The following KSR2 variants were observed in gnomAD, a reference collection of about 807,000 sequenced individuals.
KSR2 encodes the protein kinase suppressor of ras 2.
In KSR2, 25 loss-of-function variants were observed where a neutral mutation model predicts 107.8. The ratio of observed to expected loss-of-function variants is 0.23; its 90% CI spans 0.17 to 0.32. The LOEUF (loss-of-function observed/expected upper bound fraction) is 0.32, where lower values mean the gene tolerates loss of function less well. Ranked by LOEUF, KSR2 falls within the 10% of genes least tolerant of loss-of-function variation. KSR2 has a pLI of 1.00. For synonymous variants in KSR2, 480 were observed against 507.0 expected, an observed-to-expected ratio of 0.95 and a Z score of 0.71; for missense variants, 887 against 1,268.9, an observed-to-expected ratio of 0.70 and a Z score of 4.57.
rs1418169814 is a variant in KSR2, at chr12:117,453,506, G to A, written c.*13693C>T. The A allele has an allele frequency of 6.6e-6, 1 of 152,258 alleles. No individual in the cohort carries two copies. The highest frequency in any genetic ancestry group is 2.4e-5 in the African/African-American group (1 of 41,346). 9.4% of individuals were successfully genotyped at this position (152,258 alleles called of 1,614,324 possible). On this transcript the variant is annotated 3_prime_UTR_variant, in exon 20 of 20. Transcript: ENST00000339824. ...CATCGGTCCGCGTTGGTCTGTACAA[G>A]AATTAGTCTTTATATATATAATATA... is the stretch of plus-strand genomic sequence containing the variant.
intron 5 of KSR2, among the ~76,000 whole-genome samples, chr12:117,653,740 C>T (rs899244031): frequency 1.1e-4 from 16 of 152,214 alleles, no homozygotes; most frequent in African/African-American, 3.6e-4. Flanking sequence ...AGAGGCACAA[C>T]GCCTAGCGGG....
chr12:117,585,713 C>T (rs1879944093), intron 5 of KSR2, among the ~76,000 whole-genome samples: 1 of 152,204 alleles, frequency 6.6e-6, no homozygotes, highest in Non-Finnish European at 1.5e-5. Context: ...AGCAATTAAA[C>T]CGATACAGAA....
intron 14 of KSR2, among the ~76,000 whole-genome samples, chr12:117,507,979 C>T (rs1873801063): frequency 6.6e-6 from 1 of 152,166 alleles, no homozygotes; most frequent in African/African-American, 2.4e-5. Context: ...AGATAAAAAG[C>T]CACCCTCCCT....
At chr12:117,943,579 C>G (rs548485110) in intron 1 of KSR2, among the ~76,000 whole-genome samples, 5 of 150,096 alleles carry the variant, frequency 3.3e-5, no homozygotes, top group Non-Finnish European at 7.4e-5. Context: ...AACCAAATGT[C>G]CATCAACTGA....
In KSR2 at chr12:117,658,998, C is replaced by T. The variant is rs114678739; in HGVS notation, c.1171+8476G>A. ...GATGCAGGGGCACTGATAAGGAATA[C>T]GAATGCCTTGTGTACACCGTACAGT... On this transcript the variant is annotated intron_variant, in intron 5 of 19. Transcript: ENST00000339824. Among the ~76,000 whole-genome samples the T allele has an allele frequency of 9.6e-3, 1,466 of 152,232 alleles. 24 individuals are homozygous for T. The highest frequency in any genetic ancestry group is 0.034 in the African/African-American group (1,403 of 41,532).
At chr12:117,763,552 T>C (rs146192889) in intron 3 of KSR2, among the ~76,000 whole-genome samples, 2,422 of 152,262 alleles carry the variant, frequency 0.016, 33 homozygotes, top group Non-Finnish European at 0.022. Flanking sequence ...TTCCTAGGTC[T>C]CTTTCCCGGG....
At chr12:117,705,000 A>G (rs760140190) in intron 4 of KSR2, among the ~76,000 whole-genome samples, 1 of 152,138 alleles carries the variant, frequency 6.6e-6, no homozygotes, top group African/African-American at 2.4e-5. Flanking sequence ...CTGCCCCACA[A>G]ATATTTATTA....
At chr12:117,784,944 T>C (rs891732050) in intron 3 of KSR2, among the ~76,000 whole-genome samples, 3 of 152,112 alleles carry the variant, frequency 2.0e-5, no homozygotes, top group African/African-American at 4.8e-5. Context: ...GCACCGACAG[T>C]CTGACTCTAA....
intron 14 of KSR2, among the ~76,000 whole-genome samples, chr12:117,497,228 G>C (rs1873083184): frequency 6.6e-6 from 1 of 152,088 alleles, no homozygotes; most frequent in South Asian, 2.1e-4. Flanking sequence ...GTGACAAGAA[G>C]GGCTGACTCT....
At chr12:117,646,264 T>C (rs1312967539) in intron 5 of KSR2, among the ~76,000 whole-genome samples, 1 of 152,154 alleles carries the variant, frequency 6.6e-6, no homozygotes, top group Non-Finnish European at 1.5e-5. Flanking sequence ...CCAGGGCTAT[T>C]GTCTTGCAAA....
chr12:117,539,725 G>T lies in KSR2; in HGVS notation c.1681C>A (p.Leu561Met), dbSNP rs1486135931. The T allele has an allele frequency of 6.3e-7, 1 of 1,598,546 alleles. No homozygotes were observed. The stretch of plus-strand genomic sequence containing the variant: ...TCCCCAAGCATGGAGGTACCTGGCA[G>T]GTTGAAGTTCTTCTGCTGCCGTGTG... ...QCTRQQKNFN[L>M]PASHYYKYKQ... is the part of the protein sequence containing the mutation. Residue 561 changes from leucine to methionine, a missense_variant, in exon 10 of 20, where the codon CTG (leucine) becomes ATG (methionine). This residue lies in a region of KSR2 where 50 missense variants were observed against 43.4 expected (regional missense o/e 1.15). Transcript: ENST00000339824.
chr12:117,484,869 T>G (rs777887643), intron 15 of KSR2, among the ~76,000 whole-genome samples: 5 of 152,214 alleles, frequency 3.3e-5, no homozygotes, highest in Non-Finnish European at 4.4e-5. Flanking sequence ...ACCATTTTCA[T>G]CCACTTCCCC....
intron 3 of KSR2, among the ~76,000 whole-genome samples, chr12:117,809,344 G>A (rs1303228454): frequency 6.6e-6 from 1 of 152,000 alleles, no homozygotes; most frequent in Admixed American, 6.6e-5. Flanking sequence ...CCTGTGTATT[G>A]AAGGATGTTA....
intron 3 of KSR2, among the ~76,000 whole-genome samples, chr12:117,832,995 C>T (rs1360460051): frequency 1.3e-5 from 2 of 152,190 alleles, no homozygotes; most frequent in African/African-American, 4.8e-5. Context: ...AACAAATACC[C>T]TGCCTTCCTT....
intron 9 of KSR2, among the ~76,000 whole-genome samples, chr12:117,549,068 G>A (rs1170424055): frequency 6.6e-6 from 1 of 152,148 alleles, no homozygotes; most frequent in Non-Finnish European, 1.5e-5. Context: ...CACCTGCCAC[G>A]CAAGACCACC....
chr12:117,640,913 G>A (rs1245182276), intron 5 of KSR2, among the ~76,000 whole-genome samples: 2 of 152,208 alleles, frequency 1.3e-5, no homozygotes, highest in Non-Finnish European at 2.9e-5. Flanking sequence ...CTCCCAGACT[G>A]ATTATACAGT....
intron 1 of KSR2, among the ~76,000 whole-genome samples, chr12:117,913,400 A>G (rs888795832): frequency 6.6e-6 from 1 of 152,098 alleles, no homozygotes; most frequent in African/African-American, 2.4e-5. Context: ...CCATCCCACC[A>G]TAGTGGCTTG....
intron 1 of KSR2, among the ~76,000 whole-genome samples, chr12:117,900,784 A>G (rs1894657373): frequency 6.6e-6 from 1 of 152,210 alleles, no homozygotes; most frequent in Non-Finnish European, 1.5e-5. Flanking sequence ...TAGTGCCTCT[A>G]TATTATTAAC....
intron 4 of KSR2, among the ~76,000 whole-genome samples, chr12:117,682,227 G>A (rs1288689581): frequency 2.0e-5 from 3 of 152,056 alleles, no homozygotes; most frequent in African/African-American, 7.2e-5. Context: ...ATGAGAACAT[G>A]TAGACACAGG....
Sources: allele counts gnomAD v4.1 joint callset (sites outside exome capture counted in the v4.1 genomes callset), GRCh38; gene constraint gnomAD v4.1.1; regional missense constraint gnomAD v4.1.1; transcripts MANE v1.5; gene names NCBI Gene and HGNC (gene_info 2026-07-23, HGNC 2026-07-21).